Variants in NPHP1 observed in about 807,000 individuals in gnomAD.
The protein encoded by NPHP1 is nephrocystin-1.
A neutral mutation model predicts 90.4 loss-of-function variants in NPHP1; 70 were observed. That is an observed-to-expected ratio of 0.77 (90% confidence interval 0.64 to 0.95). The LOEUF (loss-of-function observed/expected upper bound fraction) is 0.95. Ranked by LOEUF, NPHP1 falls within the 40% of genes least tolerant of loss-of-function variation. NPHP1 has a pLI of 0.00. For synonymous variants in NPHP1, 256 were observed against 271.7 expected (o/e 0.94, Z 0.57); for missense variants, 764 against 795.9 (o/e 0.96, Z 0.48).
At chr2:110,198,753 C>T (rs927689456) in intron 2 of NPHP1, among the ~76,000 whole-genome samples, 1 of 151,996 alleles carries the variant, frequency 6.6e-6, no homozygotes, top group African/African-American at 2.4e-5. Context: ...TATCAACATA[C>T]AAAATTTCAT....
intron 16 of NPHP1, among the ~76,000 whole-genome samples, chr2:110,136,605 C>A (rs1470632343): frequency 1.3e-5 from 2 of 152,042 alleles, no homozygotes; most frequent in African/African-American, 4.8e-5. Context: ...ACCTAGGAAT[C>A]CAACTTACAA....
chr2:110,142,267 C>A (rs1467692184), intron 16 of NPHP1, among the ~76,000 whole-genome samples: 1 of 151,868 alleles, frequency 6.6e-6, no homozygotes, highest in Non-Finnish European at 1.5e-5. Context: ...GGGTTATAGC[C>A]CCAGAAACCC....
chr2:110,163,809 C>T lies in NPHP1; in HGVS notation c.772-674G>A, dbSNP rs187848669. On this transcript the variant is annotated intron_variant, in intron 8 of 19. Coordinates refer to ENST00000445609, the MANE Select transcript of NPHP1 (RefSeq NM_001128178.3). ...CCCAGGAGCTGGGACTACAGACATGCGCTACCACGCCCAGCTAATTTTTCT... is the reference window on the plus strand; with the variant it reads ...CCCAGGAGCTGGGACTACAGACATGTGCTACCACGCCCAGCTAATTTTTCT... The T allele has an allele frequency of 3.1e-3, 483 of 154,246 alleles. 3 individuals are homozygous for T. The highest frequency in any genetic ancestry group is 0.011 in the African/African-American group (464 of 41,380). The allele number at this position is 154,246 out of a possible 1,614,324, so 9.6% of individuals were successfully genotyped here. A position where few individuals can be genotyped will look rare whatever the true frequency, so the allele number is the denominator to read the frequency against.
In NPHP1 at chr2:110,141,731, G is replaced by A. The variant is rs941400900; in HGVS notation, c.1529+1811C>T. On this transcript the variant is annotated intron_variant, in intron 16 of 19. Coordinates refer to ENST00000445609, the MANE Select transcript of NPHP1 (RefSeq NM_001128178.3). ...CTCAAGCCTGTAATCCTAGCACTTT[G>A]GGAGGCCGAGGTGGGCGGATCACGA... Among the ~76,000 whole-genome samples the A allele has an allele frequency of 1.0e-3, 157 of 152,130 alleles. 1 individual carries two copies. Among genetic ancestry groups the A allele is most frequent in the African/African-American group, 3.6e-3 (151 of 41,524 alleles).
rs886054753 is a variant in NPHP1 at position 110,146,826 on chromosome 2, C to G, written c.1279G>C (p.Glu427Gln). 3.1e-6 allele frequency: 5 copies of G among 1,612,324 alleles called. No individual in the cohort carries two copies. Among genetic ancestry groups the G allele is most frequent in the Non-Finnish European group, 4.2e-6 (5 of 1,178,362 alleles). ...GISYIRNSTG[E>Q]RGELSCGWVF... is the part of the protein sequence containing the mutation. The stretch of plus-strand genomic sequence containing the variant: ...CAGCCACAGCTTAACTCTCCTCTTT[C>G]ACCAGTTGACTAGGAAATAAGACAA... The change falls in exon 14 of 20, where the codon GAA becomes CAA. Residue 427 changes from glutamate to glutamine, a missense_variant. Glu to Gln is a conservative substitution (Grantham distance 29). Transcript: ENST00000445609.
rs537153470 is a variant in NPHP1, at chr2:110,203,183, A to C, written c.70-1689T>G. 2.0e-5 allele frequency among the ~76,000 whole-genome samples: 3 copies of C among 152,162 alleles called. No individual in the cohort carries two copies. In the East Asian group the frequency reaches 5.8e-4, roughly 29 times the overall value. On this transcript the variant is annotated intron_variant, in intron 1 of 19. Transcript: ENST00000445609. ...AATTAGCATAGGAACAGAAAACCAA[A>C]TACCATATGTTCTCACTCGTTGAGT...
chr2:110,131,208 G>T (rs775499946), intron 17 of NPHP1, among the ~76,000 whole-genome samples: 1 of 152,114 alleles, frequency 6.6e-6, no homozygotes, highest in Non-Finnish European at 1.5e-5. Flanking sequence ...GTACAAAAAA[G>T]TTGCAAGAAT....
intron 16 of NPHP1, among the ~76,000 whole-genome samples, chr2:110,138,540 G>A (rs192158930): frequency 6.6e-6 from 1 of 152,080 alleles, no homozygotes; most frequent in African/African-American, 2.4e-5. Flanking sequence ...AAGACGGGAT[G>A]CAGGGGACCA....
chr2:110,169,562 A>AT (rs1465875390), intron 5 of NPHP1, among the ~76,000 whole-genome samples: 1 of 152,122 alleles, frequency 6.6e-6, no homozygotes, highest in African/African-American at 2.4e-5. Flanking sequence ...AAATTATAAA[A>AT]TTTTACCCCT....
intron 8 of NPHP1, 67 bp from the exon 9 acceptor site, chr2:110,163,202 C>T: frequency 1.8e-6 from 2 of 1,136,558 alleles, no homozygotes; most frequent in Middle Eastern, 2.0e-4. Context: ...AATACTTTAT[C>T]ACTAGAGTAA....
intron 5 of NPHP1, 117 bp downstream of exon 5, chr2:110,169,685 AATAG>A: frequency 1.4e-6 from 1 of 714,230 alleles, no homozygotes; most frequent in Non-Finnish European, 2.5e-6. Flanking sequence ...TACTTATTTA[AATAG>A]ATTGTTATAA....
intron 8 of NPHP1, 56 bp downstream of exon 8, chr2:110,164,632 A>T: frequency 1.2e-6 from 2 of 1,613,264 alleles, no homozygotes; most frequent in Non-Finnish European, 1.7e-6. Context: ...CCTATTTCGC[A>T]TCAGAACTAT....
intron 9 of NPHP1, among the ~76,000 whole-genome samples, chr2:110,162,811 C>T (rs1425649994): frequency 6.6e-6 from 1 of 151,924 alleles, no homozygotes; most frequent in Non-Finnish European, 1.5e-5. Context: ...TTAAAGGAGT[C>T]ACATTTTTGA....
chr2:110,199,532 G>A (rs1685420667), intron 2 of NPHP1, among the ~76,000 whole-genome samples: 1 of 151,926 alleles, frequency 6.6e-6, no homozygotes, highest in African/African-American at 2.4e-5. Flanking sequence ...GGGGGAGGGG[G>A]GCATCCCTTG....
intron 2 of NPHP1, among the ~76,000 whole-genome samples, chr2:110,201,140 C>T (rs1685549839): frequency 6.6e-6 from 1 of 152,056 alleles, no homozygotes; most frequent in Admixed American, 6.6e-5. Flanking sequence ...TGCTTATAGA[C>T]AGAGGTTTCT....
intron 5 of NPHP1, among the ~76,000 whole-genome samples, 196 bp downstream of exon 5, chr2:110,169,610 A>G (rs1682966284): frequency 6.6e-6 from 1 of 152,132 alleles, no homozygotes; most frequent in African/African-American, 2.4e-5. Flanking sequence ...ACTTTCAAAA[A>G]TCTTTAGAAG....
At chr2:110,184,890 G>C in intron 2 of NPHP1, 1 of 694,314 alleles carries the variant, frequency 1.4e-6, no homozygotes, top group South Asian at 1.4e-5. Flanking sequence ...AGGGAGGAGA[G>C]TGAAGGCATC....
chr2:110,187,440 A>G (rs920736193), intron 2 of NPHP1, among the ~76,000 whole-genome samples: 31 of 152,180 alleles, frequency 2.0e-4, no homozygotes, highest in African/African-American at 7.5e-4. Context: ...GTTCTTGGAC[A>G]CATACACCCT....
intron 16 of NPHP1, among the ~76,000 whole-genome samples, chr2:110,138,442 A>G (rs1680375050): frequency 6.6e-6 from 1 of 152,154 alleles, no homozygotes; most frequent in Admixed American, 6.6e-5. Context: ...ACAGCATGTG[A>G]TACATAAGGT....
Sources: gnomAD v4.1 joint callset for allele counts (sites outside exome capture counted in the v4.1 genomes callset) on GRCh38, gnomAD v4.1.1 for gene constraint, MANE v1.5 for transcripts, NCBI Gene and HGNC (gene_info 2026-07-23, HGNC 2026-07-21) for gene names.